The following HIGD1C variants were observed in gnomAD, a reference collection of about 807,000 sequenced individuals.
HIGD1C encodes the protein HIG1 domain family member 1C.
In HIGD1C, 11 loss-of-function variants were observed where a neutral mutation model predicts 13.1. The ratio of observed to expected loss-of-function variants is 0.84; its 90% CI spans 0.53 to 1.39. HIGD1C has a LOEUF of 1.39. HIGD1C is among the 40% of genes most tolerant of loss of function. The probability of loss-of-function intolerance (pLI) is 0.00; values close to 1 mark genes in which losing one functional copy is unlikely to be tolerated. For synonymous variants in HIGD1C, 36 were observed against 37.7 expected, an observed-to-expected ratio of 0.95 and a Z score of 0.17; for missense variants, 110 against 112.0, an observed-to-expected ratio of 0.98 and a Z score of 0.08.
At chr12:50,959,031 CAAAA>C (rs1012359512) in intron 1 of HIGD1C, among the ~76,000 whole-genome samples, 4 of 151,524 alleles carry the variant, frequency 2.6e-5, no homozygotes, top group Non-Finnish European at 5.9e-5. Flanking sequence ...GAAAAACAAA[CAAAA>C]AAAAGATGCA....
chr12:50,952,765 G>A (rs1314505574), upstream of HIGD1C, among the ~76,000 whole-genome samples: 1 of 152,208 alleles, frequency 6.6e-6, no homozygotes, highest in East Asian at 1.9e-4. Flanking sequence ...CAACTGCAGG[G>A]AGCGCACCTC....
At chr12:50,945,253 G>T in the HIGD1C span, among the ~76,000 whole-genome samples, 1 of 152,102 alleles carries the variant, frequency 6.6e-6, no homozygotes, top group South Asian at 2.1e-4. Flanking sequence ...GCAGGAGAAA[G>T]AAATAAAGGG....
the HIGD1C span, among the ~76,000 whole-genome samples, chr12:50,938,098 A>G: frequency 3.3e-5 from 5 of 151,832 alleles, no homozygotes; most frequent in African/African-American, 9.7e-5. Flanking sequence ...AGGAAACTGA[A>G]CTTCCTCCCT....
At chr12:50,954,256 T>C (rs1939005916) in intron 1 of HIGD1C, 164 bp downstream of exon 3, 3 of 484,528 alleles carry the variant, frequency 6.2e-6, no homozygotes, top group Non-Finnish European at 7.3e-6. Context: ...TCCTAATACA[T>C]GGTAAGCCCC....
chr12:50,965,052 G>C (rs2139819536), intron 2 of HIGD1C, among the ~76,000 whole-genome samples: 1 of 152,106 alleles, frequency 6.6e-6, no homozygotes, highest in African/African-American at 2.4e-5. Flanking sequence ...CCTTGATGAT[G>C]GCACTAATCT....
At chr12:50,951,148 TATTA>T (rs1445355668), upstream of HIGD1C, among the ~76,000 whole-genome samples, 1 of 151,990 alleles carries the variant, frequency 6.6e-6, no homozygotes, top group Non-Finnish European at 1.5e-5. Flanking sequence ...AGAAACTACT[TATTA>T]ATTAAAAGGG....
chr12:50,970,206 G>T (rs1215116276), intron 2 of HIGD1C, among the ~76,000 whole-genome samples: 1 of 152,102 alleles, frequency 6.6e-6, no homozygotes, highest in Non-Finnish European at 1.5e-5. Flanking sequence ...ATATTTTGGT[G>T]GCACTAAAAC....
downstream of HIGD1C, chr12:50,970,562 A>G (rs1465438588): frequency 2.7e-6 from 3 of 1,098,666 alleles, no homozygotes; most frequent in Non-Finnish European, 4.0e-6. Flanking sequence ...ATTTATTATG[A>G]AGAATAAATT....
intron 2 of HIGD1C, among the ~76,000 whole-genome samples, chr12:50,969,262 C>T (rs1054605239): frequency 6.6e-6 from 1 of 151,680 alleles, no homozygotes; most frequent in Non-Finnish European, 1.5e-5. Context: ...CCACTGCACT[C>T]CAGCCTGGGC....
chr12:50,966,879 G>A (rs1235866483), intron 2 of HIGD1C, among the ~76,000 whole-genome samples: 3 of 152,162 alleles, frequency 2.0e-5, no homozygotes, highest in Non-Finnish European at 2.9e-5. Flanking sequence ...GATTCGGGAG[G>A]CCAAGGTGGG....
At chr12:50,961,073 A>G (rs774279171) in exon 2 of HIGD1C, 2 of 1,613,926 alleles carry the variant, frequency 1.2e-6, no homozygotes, top group Admixed American at 1.7e-5. Context: ...GTTGCTGCCC[A>G]AGGATTTGTT....
the HIGD1C span, among the ~76,000 whole-genome samples, chr12:50,941,167 T>C: frequency 6.6e-6 from 1 of 152,080 alleles, no homozygotes; most frequent in Non-Finnish European, 1.5e-5. Flanking sequence ...TTTTCATTTT[T>C]AGTAGAGATG....
intron 2 of HIGD1C, among the ~76,000 whole-genome samples, chr12:50,965,105 T>C (rs776919798): frequency 1.3e-5 from 2 of 151,976 alleles, no homozygotes; most frequent in Non-Finnish European, 2.9e-5. Flanking sequence ...TGTTTTATGT[T>C]TGTGGGTTTT....
chr12:50,958,692 AAATGCAGGGATT>A lies in HIGD1C; in HGVS notation c.95-2271_95-2260del, dbSNP rs561908496. On this transcript the variant is annotated intron_variant, in intron 1 of 2. Coordinates refer to ENST00000398455, the Ensembl canonical transcript of HIGD1C. ...CATGGTGTGGTACTGATGGAAGGTC[AAATGCAGGGATT>A]AATGGGAAAGAATAGAGAACCCAAA... 3.6e-3 allele frequency among the ~76,000 whole-genome samples: 555 copies of A among 152,224 alleles called. 6 individuals carry two copies. The highest frequency in any genetic ancestry group is 0.013 in the African/African-American group (528 of 41,560).
chr12:50,951,980 G>C (rs952641575), upstream of HIGD1C, among the ~76,000 whole-genome samples: 1 of 148,532 alleles, frequency 6.7e-6, no homozygotes, highest in African/African-American at 2.5e-5. Flanking sequence ...TGATTAGGAA[G>C]GTGTTTCAGA....
chr12:50,969,112 T>C (rs972003919), intron 2 of HIGD1C, among the ~76,000 whole-genome samples: 1 of 151,104 alleles, frequency 6.6e-6, no homozygotes, highest in African/African-American at 2.4e-5. Flanking sequence ...CTGGCCTACA[T>C]GGTGAAACCC....
the HIGD1C span, among the ~76,000 whole-genome samples, chr12:50,934,664 C>T: frequency 6.6e-6 from 1 of 152,194 alleles, no homozygotes; most frequent in East Asian, 1.9e-4. Flanking sequence ...GAGGAAGTAA[C>T]ATCTGAGCTG....
intron 1 of HIGD1C, among the ~76,000 whole-genome samples, chr12:50,957,134 T>C (rs917767069): frequency 1.3e-5 from 2 of 152,166 alleles, no homozygotes; most frequent in Non-Finnish European, 2.9e-5. Context: ...AATAAATATA[T>C]CCTTACCCAC....
chr12:50,937,795 G>T, the HIGD1C span, among the ~76,000 whole-genome samples: 1 of 152,150 alleles, frequency 6.6e-6, no homozygotes, highest in Non-Finnish European at 1.5e-5. Context: ...CAGCAGAGAG[G>T]AGACCCAGAG....
Sources: allele counts gnomAD v4.1 joint callset (sites outside exome capture counted in the v4.1 genomes callset), GRCh38; gene constraint gnomAD v4.1.1; transcripts MANE v1.5; gene names NCBI Gene and HGNC (gene_info 2026-07-23, HGNC 2026-07-21).